The following MAML3 variants were observed in gnomAD, a reference collection of about 807,000 sequenced individuals.
The protein encoded by MAML3 is mastermind like transcriptional coactivator 3, also known as mastermind-like protein 3.
MAML3 carries 27 observed loss-of-function variants against 101.9 expected under a neutral mutation model. The observed-to-expected ratio is 0.27, with a 90% CI of 0.20 to 0.37. The LOEUF is 0.37. Among genes scored for constraint, MAML3 ranks in the 10% least tolerant of loss-of-function variants. The pLI is 1.00. For synonymous variants in MAML3, 501 were observed against 555.9 expected (o/e 0.90, Z 1.39); for missense variants, 1,316 against 1,444.9 (o/e 0.91, Z 1.45).
chr4:140,068,592 T>C (rs576765091), intron 1 of MAML3, among the ~76,000 whole-genome samples: 12 of 152,310 alleles, frequency 7.9e-5, no homozygotes, highest in Non-Finnish European at 1.6e-4. Context: ...GAATATGGAT[T>C]TAAATCCTAA....
At position 140,030,798 on chromosome 4, in the gene MAML3, A is replaced by C. The variant is rs1726895525; in HGVS notation, c.468+122062T>G. On this transcript the variant is annotated intron_variant, in intron 1 of 4. Coordinates refer to ENST00000509479, the MANE Select transcript of MAML3 (RefSeq NM_018717.5). ...CCTCCCGCCACTGGGCAAGCCTCATAACAGAGGAGACATTCTAAACCCCAG... is the reference window on the plus strand; with the variant it reads ...CCTCCCGCCACTGGGCAAGCCTCATCACAGAGGAGACATTCTAAACCCCAG... 3.3e-5 allele frequency among the ~76,000 whole-genome samples: 5 copies of C among 152,292 alleles called. No homozygotes were observed. In the South Asian group the frequency reaches 1.0e-3, roughly 32 times the overall value.
At chr4:140,112,111 ATTTG>A (rs1560897361) in intron 1 of MAML3, among the ~76,000 whole-genome samples, 3 of 151,928 alleles carry the variant, frequency 2.0e-5, no homozygotes, top group Admixed American at 6.6e-5. Flanking sequence ...CTCTCCCCTC[ATTTG>A]TTTATGTCAT....
chr4:140,117,270 C>G (rs565756763), intron 1 of MAML3, among the ~76,000 whole-genome samples: 1 of 152,046 alleles, frequency 6.6e-6, no homozygotes, highest in Non-Finnish European at 1.5e-5. Context: ...ATATCTCCCT[C>G]GTATTTTCTT....
intron 4 of MAML3, among the ~76,000 whole-genome samples, chr4:139,720,560 A>G (rs1728194306): frequency 6.6e-6 from 1 of 152,260 alleles, no homozygotes; most frequent in Non-Finnish European, 1.5e-5. Context: ...AAATCCCACT[A>G]TCCAGAGATG....
At chr4:140,020,021 T>C (rs1175755067) in intron 1 of MAML3, among the ~76,000 whole-genome samples, 1 of 152,196 alleles carries the variant, frequency 6.6e-6, no homozygotes, top group Admixed American at 6.5e-5. Flanking sequence ...ACAAAGGCTT[T>C]AAGACACAGG....
At chr4:139,928,674 G>A (rs1438194591) in intron 1 of MAML3, among the ~76,000 whole-genome samples, 1 of 152,192 alleles carries the variant, frequency 6.6e-6, no homozygotes, top group East Asian at 1.9e-4. Flanking sequence ...AAAGCTGTGT[G>A]TCTGGGTGGG....
intron 1 of MAML3, among the ~76,000 whole-genome samples, chr4:140,087,804 T>A (rs1466094662): frequency 6.6e-6 from 1 of 152,178 alleles, no homozygotes; most frequent in Non-Finnish European, 1.5e-5. Context: ...AATCATGTCA[T>A]AGGTGGAGGA....
intron 1 of MAML3, among the ~76,000 whole-genome samples, chr4:140,093,664 G>A (rs1415010136): frequency 6.6e-6 from 1 of 151,790 alleles, no homozygotes; most frequent in Admixed American, 6.6e-5. Context: ...TCCTGATCTC[G>A]TGATCCGCCC....
At chr4:139,734,713 GTTTA>G (rs1189524040) in intron 2 of MAML3, among the ~76,000 whole-genome samples, 1 of 152,268 alleles carries the variant, frequency 6.6e-6, no homozygotes, top group Non-Finnish European at 1.5e-5. Context: ...ACAGCCAGCT[GTTTA>G]TTTATAAATC....
chr4:139,875,074 A>G (rs1732085545), intron 2 of MAML3, among the ~76,000 whole-genome samples: 1 of 152,150 alleles, frequency 6.6e-6, no homozygotes. Flanking sequence ...AAGTGCTGGG[A>G]TTACAGGCGT....
chr4:140,141,586 A>C (rs1367542869), intron 1 of MAML3, among the ~76,000 whole-genome samples: 1 of 152,262 alleles, frequency 6.6e-6, no homozygotes, highest in Non-Finnish European at 1.5e-5. Flanking sequence ...AAATTGTTCA[A>C]GGAAGTGAAT....
chr4:139,723,011 A>G (rs866010463), intron 4 of MAML3, among the ~76,000 whole-genome samples: 5 of 152,386 alleles, frequency 3.3e-5, no homozygotes, highest in Middle Eastern at 3.4e-3. Flanking sequence ...GAAAATGCAA[A>G]GTGATCAGCC....
intron 1 of MAML3, among the ~76,000 whole-genome samples, chr4:140,099,889 A>T (rs1482609982): frequency 1.3e-5 from 2 of 152,146 alleles, no homozygotes; most frequent in Admixed American, 6.5e-5. Context: ...CTGCTATTAC[A>T]AACAACATTC....
intron 2 of MAML3, among the ~76,000 whole-genome samples, chr4:139,757,846 C>T (rs1247226330): frequency 6.6e-6 from 1 of 152,022 alleles, no homozygotes; most frequent in East Asian, 1.9e-4. Context: ...CTTTACCTGG[C>T]TAACTCCTTC....
intron 1 of MAML3, among the ~76,000 whole-genome samples, chr4:139,895,520 C>A (rs900831633): frequency 6.6e-6 from 1 of 152,142 alleles, no homozygotes; most frequent in African/African-American, 2.4e-5. Flanking sequence ...GTAGGGAGCA[C>A]TTAGCCTCAC....
At chr4:139,976,044 A>G (rs1734334449) in intron 1 of MAML3, among the ~76,000 whole-genome samples, 1 of 152,194 alleles carries the variant, frequency 6.6e-6, no homozygotes, top group Non-Finnish European at 1.5e-5. Context: ...ATTGATTGCT[A>G]TTTTCTTCCT....
intron 2 of MAML3, among the ~76,000 whole-genome samples, chr4:139,858,405 A>G (rs1157650218): frequency 6.7e-6 from 1 of 149,858 alleles, no homozygotes; most frequent in Non-Finnish European, 1.5e-5. Context: ...ATTCATAACA[A>G]TTTTGACCAG....
chr4:139,979,848 A>G (rs1734412614), intron 1 of MAML3, among the ~76,000 whole-genome samples: 1 of 152,172 alleles, frequency 6.6e-6, no homozygotes, highest in South Asian at 2.1e-4. Flanking sequence ...TCTGTTCTTG[A>G]TAAATTACCC....
intron 2 of MAML3, among the ~76,000 whole-genome samples, chr4:139,845,588 G>C (rs1731428757): frequency 6.6e-6 from 1 of 152,188 alleles, no homozygotes; most frequent in South Asian, 2.1e-4. Context: ...AATGGATTGA[G>C]ATCAAGACAA....
Sources: gnomAD v4.1 joint callset for allele counts (sites outside exome capture counted in the v4.1 genomes callset) on GRCh38, gnomAD v4.1.1 for gene constraint, MANE v1.5 for transcripts, NCBI Gene and HGNC (gene_info 2026-07-23, HGNC 2026-07-21) for gene names.